HCRTR2: variants seen among roughly 807,000 people sequenced by gnomAD.
The protein encoded by HCRTR2 is orexin receptor type 2.
HCRTR2 carries 22 observed loss-of-function variants against 49.0 expected under a neutral mutation model. That is an observed-to-expected ratio of 0.45 (90% CI 0.32 to 0.64). HCRTR2 has a LOEUF of 0.64. Ranked by LOEUF, HCRTR2 falls within the 30% of genes least tolerant of loss-of-function variation. The pLI is 0.04. For missense variants in HCRTR2, 491 were observed against 559.4 expected, an observed-to-expected ratio of 0.88 and a Z score of 1.23; for synonymous variants, 236 against 205.3, an observed-to-expected ratio of 1.15 and a Z score of -1.28.
At chr6:55,126,910 CT>C (rs1764286640) in intron 1 of HCRTR2, among the ~76,000 whole-genome samples, 1 of 152,152 alleles carries the variant, frequency 6.6e-6, no homozygotes, top group Admixed American at 6.5e-5. Flanking sequence ...GCAGATACCC[CT>C]CCCTCTACCA....
chr6:55,277,594 T>C lies in HCRTR2; in HGVS notation c.977T>C (p.Leu326Pro). 6.2e-7 allele frequency: 1 copy of C among 1,605,110 alleles called. No individual in the cohort carries two copies. The highest frequency in any genetic ancestry group is 8.5e-7 in the Non-Finnish European group (1 of 1,171,924). Residue 326 changes from leucine to proline, a missense_variant, in exon 5 of 7, where the codon CTA (leucine) becomes CCA (proline). Transcript: ENST00000370862. Reference protein sequence around the residue: ...CYLPISILNVLKRVFGMFAHT... With the variant: ...CYLPISILNVPKRVFGMFAHT... The stretch of plus-strand genomic sequence containing the variant: ...CTACCAATTAGCATCCTCAATGTGC[T>C]AAAGAGGTAAAACTTATCTGTTATT...
At chr6:55,177,369 C>T (rs1473275792) in intron 1 of HCRTR2, among the ~76,000 whole-genome samples, 2 of 152,152 alleles carry the variant, frequency 1.3e-5, no homozygotes, top group Non-Finnish European at 1.5e-5. Context: ...CGAGTAGTGT[C>T]GTTACTCACA....
intron 1 of HCRTR2, among the ~76,000 whole-genome samples, chr6:55,112,585 C>T (rs921783111): frequency 6.2e-5 from 9 of 146,128 alleles, no homozygotes; most frequent in Non-Finnish European, 1.2e-4. Context: ...ATATACCTAA[C>T]CAAGGAGGTG....
At chr6:55,211,427 C>T (rs1303308746) in intron 1 of HCRTR2, among the ~76,000 whole-genome samples, 1 of 152,158 alleles carries the variant, frequency 6.6e-6, no homozygotes, top group Non-Finnish European at 1.5e-5. Context: ...TAATATGCTG[C>T]TCAGTTCTGG....
intron 1 of HCRTR2, among the ~76,000 whole-genome samples, chr6:55,210,757 C>A (rs9968982): frequency 0.063 from 9,518 of 152,150 alleles, 514 homozygotes; most frequent in African/African-American, 0.15. Flanking sequence ...TACTCCTTTT[C>A]ATAAACTAGA....
intron 1 of HCRTR2, among the ~76,000 whole-genome samples, chr6:55,147,220 G>T (rs1340841361): frequency 1.3e-5 from 2 of 151,784 alleles, no homozygotes; most frequent in Non-Finnish European, 2.9e-5. Flanking sequence ...TAAATTATTT[G>T]TGAATTCATA....
chr6:55,219,935 G>C (rs956611038), intron 1 of HCRTR2, among the ~76,000 whole-genome samples: 4 of 151,948 alleles, frequency 2.6e-5, no homozygotes, highest in Admixed American at 1.3e-4. Flanking sequence ...TAACAAATTG[G>C]ATAACCTAGA....
chr6:55,174,921 G>T (rs1191392633), intron 1 of HCRTR2, 111 bp downstream of exon 1: 2 of 787,268 alleles, frequency 2.5e-6, no homozygotes, highest in Non-Finnish European at 2.2e-6. Flanking sequence ...CAAAGAGGTC[G>T]CTGCTCTCGG....
chr6:55,155,444 A>C (rs1423940994), intron 1 of HCRTR2, among the ~76,000 whole-genome samples: 2 of 152,040 alleles, frequency 1.3e-5, no homozygotes, highest in Non-Finnish European at 2.9e-5. Flanking sequence ...ATATTTGCAC[A>C]AAAAGCCAAC....
intron 1 of HCRTR2, among the ~76,000 whole-genome samples, chr6:55,187,602 A>G (rs1373391466): frequency 6.6e-6 from 1 of 151,698 alleles, no homozygotes; most frequent in East Asian, 1.9e-4. Flanking sequence ...CCCTTATTAC[A>G]TAACTCTTCA....
At chr6:55,146,592 AC>A (rs1325051963) in intron 1 of HCRTR2, among the ~76,000 whole-genome samples, 2 of 148,356 alleles carry the variant, frequency 1.3e-5, no homozygotes, top group African/African-American at 2.5e-5. Flanking sequence ...AAAAAAAAAA[AC>A]AAGCTTTTTT....
intron 1 of HCRTR2, among the ~76,000 whole-genome samples, chr6:55,124,601 G>C (rs1764247896): frequency 6.6e-6 from 1 of 152,180 alleles, no homozygotes; most frequent in Non-Finnish European, 1.5e-5. Flanking sequence ...ATTTGGGGTG[G>C]AGAGTTCTGT....
chr6:55,216,936 A>T (rs1765798021), intron 1 of HCRTR2, among the ~76,000 whole-genome samples: 1 of 152,202 alleles, frequency 6.6e-6, no homozygotes, highest in Non-Finnish European at 1.5e-5. Flanking sequence ...TGAAGGCCAT[A>T]GTGGCCCTAC....
chr6:55,274,783 GGATATTT>G (rs921516791), intron 4 of HCRTR2, among the ~76,000 whole-genome samples: 1 of 151,994 alleles, frequency 6.6e-6, no homozygotes, highest in African/African-American at 2.4e-5. Flanking sequence ...TATTCATGAA[GGATATTT>G]AGTTGTTAGC....
intron 1 of HCRTR2, among the ~76,000 whole-genome samples, chr6:55,124,316 C>A (rs992709746): frequency 6.6e-6 from 1 of 152,226 alleles, no homozygotes; most frequent in Middle Eastern, 3.4e-3. Flanking sequence ...TATGTTATGT[C>A]TTCATTCTCA....
intron 1 of HCRTR2, among the ~76,000 whole-genome samples, chr6:55,107,192 A>T (rs1489628930): frequency 6.6e-6 from 1 of 152,188 alleles, no homozygotes; most frequent in Non-Finnish European, 1.5e-5. Context: ...TATGATTTTT[A>T]AAAATTGATC....
chr6:55,175,638 G>T (rs1028119295), intron 1 of HCRTR2, among the ~76,000 whole-genome samples: 3 of 151,876 alleles, frequency 2.0e-5, no homozygotes, highest in African/African-American at 7.3e-5. Flanking sequence ...TATTTGTCCC[G>T]GTCTAGGTCT....
At chr6:55,209,827 G>C (rs1048134409) in intron 1 of HCRTR2, among the ~76,000 whole-genome samples, 2 of 152,070 alleles carry the variant, frequency 1.3e-5, no homozygotes, top group African/African-American at 4.8e-5. Context: ...TTTGTTTCAG[G>C]TTGTTTAATG....
At chr6:55,200,233 T>C (rs960604836) in intron 1 of HCRTR2, among the ~76,000 whole-genome samples, 1 of 123,116 alleles carries the variant, frequency 8.1e-6, no homozygotes, top group African/African-American at 3.0e-5. Context: ...TTGTTTGCTG[T>C]CTTGTGTGTG....
Sources: gnomAD v4.1 joint callset for allele counts (sites outside exome capture counted in the v4.1 genomes callset) on GRCh38, gnomAD v4.1.1 for gene constraint, MANE v1.5 for transcripts, NCBI Gene and HGNC (gene_info 2026-07-23, HGNC 2026-07-21) for gene names.